The following ABI1 variants were observed in gnomAD, a reference collection of about 807,000 sequenced individuals.
ABI1 encodes Abelson interactor 1.
A neutral mutation model predicts 54.6 loss-of-function variants in ABI1; 14 were observed. The observed-to-expected ratio is 0.26, with a 90% CI of 0.17 to 0.40. ABI1 has a LOEUF of 0.40. ABI1 is among the 10% of genes least tolerant of loss of function. The probability of loss-of-function intolerance (pLI) is 1.00; values close to 1 mark genes in which losing one functional copy is unlikely to be tolerated. For missense variants in ABI1, 443 were observed against 598.3 expected, an observed-to-expected ratio of 0.74 and a Z score of 2.71; for synonymous variants, 194 against 209.3, an observed-to-expected ratio of 0.93 and a Z score of 0.63.
chr10:26,767,679 C>T (rs1490751551), intron 6 of ABI1, among the ~76,000 whole-genome samples: 1 of 152,084 alleles, frequency 6.6e-6, no homozygotes, highest in African/African-American at 2.4e-5. Flanking sequence ...GGATACTTTT[C>T]TGAATGCTTG....
chr10:26,770,412 T>C, intron 4 of ABI1, 67 bp from the exon 5 acceptor site: 3 of 1,365,222 alleles, frequency 2.2e-6, no homozygotes, highest in Non-Finnish European at 3.1e-6. Flanking sequence ...TAACACCATG[T>C]ATTATTTTTT....
intron 2 of ABI1, among the ~76,000 whole-genome samples, chr10:26,815,949 G>A (rs2047535607): frequency 6.6e-6 from 1 of 152,122 alleles, no homozygotes; most frequent in Non-Finnish European, 1.5e-5. Context: ...GTTACCACAA[G>A]AACTATAAAT....
At chr10:26,810,668 T>A (rs759304530) in intron 2 of ABI1, among the ~76,000 whole-genome samples, 1 of 152,104 alleles carries the variant, frequency 6.6e-6, no homozygotes, top group African/African-American at 2.4e-5. Flanking sequence ...AAAACTTTAT[T>A]TATAAAAATG....
rs771996944 is a variant in ABI1, at chr10:26,751,654, T to C, written c.1214A>G (p.Asn405Ser). The change falls in exon 10 of 11, where the codon AAT becomes AGT. Residue 405 changes from asparagine (N) to serine (S), a missense_variant. Physicochemically the swap from Asn to Ser is conservative, Grantham distance 46. Transcript: ENST00000376140. ...EDEEAAVVQY[N>S]DPYADGDPAW... is the part of the protein sequence containing the mutation. ...AGGATCCCCATCTGCATATGGATCA[T>C]TATACTGAACTACTGCAGCCTCCTC... The C allele has an allele frequency of 1.9e-6, 3 of 1,613,934 alleles. No homozygotes were observed. The highest frequency in any genetic ancestry group is 3.3e-5 in the Admixed American group (2 of 59,994).
At position 26,765,260 on chromosome 10, in the gene ABI1, G is replaced by T; in HGVS notation, c.778C>A (p.Pro260Thr). 1.2e-6 allele frequency: 2 copies of T among 1,604,160 alleles called. No individual in the cohort carries two copies. Among genetic ancestry groups the T allele is most frequent in the Non-Finnish European group, 1.7e-6 (2 of 1,177,190 alleles). The change falls in exon 7 of 11, where the codon CCC (proline) becomes ACC (threonine). Residue 260 changes from proline to threonine, a missense_variant. Physicochemically the swap from Pro to Thr is conservative, Grantham distance 38 (BLOSUM62 -1). This residue lies in a region of ABI1 where 394 missense variants were observed against 484.8 expected (regional missense o/e 0.81). Transcript: ENST00000376140. ...ENSGSSSIGI[P>T]IAVPTPSPPT... is the part of the protein sequence containing the mutation. ...GGCGAAGGTGTAGGCACAGCAATGG[G>T]AATGCCAATACTACTGCTACCACTG... is the stretch of plus-strand genomic sequence containing the variant.
chr10:26,751,548 T>C, intron 10 of ABI1, 50 bp downstream of exon 10: 1 of 1,557,718 alleles, frequency 6.4e-7, no homozygotes, highest in Non-Finnish European at 8.7e-7. Flanking sequence ...GTTCTAAATT[T>C]CTACAATTAG....
chr10:26,769,767 T>C lies in ABI1; in HGVS notation c.578+478A>G, dbSNP rs150963539. 6.8e-4 allele frequency among the ~76,000 whole-genome samples: 104 copies of C among 152,256 alleles called. 1 individual carries two copies. The highest frequency in any genetic ancestry group is 3.4e-3 in the Middle Eastern group (1 of 294). On this transcript the variant is annotated intron_variant, in intron 5 of 10. Transcript: ENST00000376140. ...AGGCCTAAGATTACCAGCAGAAGCA[T>C]AGTTACAAGTAAAGTGCATACTTTC...
At chr10:26,849,813 GCAAT>G (rs2050253877) in intron 1 of ABI1, among the ~76,000 whole-genome samples, 1 of 152,172 alleles carries the variant, frequency 6.6e-6, no homozygotes. Flanking sequence ...ATTAGTGATT[GCAAT>G]TTTTTCACAT....
At chr10:26,845,146 T>TA (rs57494089) in intron 1 of ABI1, among the ~76,000 whole-genome samples, 28,925 of 146,098 alleles carry the variant, frequency 0.2, 3,622 homozygotes, top group African/African-American at 0.36. Flanking sequence ...CTAAATGCTT[T>TA]AAAAAAAAAA....
chr10:26,748,777 G>C lies in ABI1; in HGVS notation c.1271-32C>G, dbSNP rs774042408. ...AAAAAACAGTTGAAATATCACATGA[G>C]TGCACTATATCCAAAATTTACTTGA... is the stretch of plus-strand genomic sequence containing the variant. On this transcript the variant is annotated intron_variant, in intron 10 of 10. Transcript: ENST00000376140. 4 of 1,507,212 alleles carry C rather than the reference G, an allele frequency of 2.7e-6. No homozygotes were observed. The South Asian group carries it at 4.7e-5, about 18-fold the overall frequency. The allele number at this position is 1,507,212 out of a possible 1,614,324, so 93.4% of individuals were successfully genotyped here.
intron 2 of ABI1, among the ~76,000 whole-genome samples, chr10:26,780,214 C>T (rs944101756): frequency 2.0e-5 from 3 of 152,016 alleles, no homozygotes; most frequent in Non-Finnish European, 2.9e-5. Flanking sequence ...AAATGGATAC[C>T]ATCCATAATG....
intron 8 of ABI1, among the ~76,000 whole-genome samples, chr10:26,756,582 G>T (rs952762202): frequency 6.6e-6 from 1 of 152,058 alleles, no homozygotes; most frequent in Non-Finnish European, 1.5e-5. Flanking sequence ...TTGTGGAGAT[G>T]ACATAATTGA....
intron 1 of ABI1, among the ~76,000 whole-genome samples, chr10:26,851,938 T>A (rs1233496917): frequency 6.6e-6 from 1 of 152,142 alleles, no homozygotes; most frequent in Non-Finnish European, 1.5e-5. Flanking sequence ...TCTAGTGGGA[T>A]TGCCTAACTA....
At chr10:26,751,252 T>C (rs1048786604) in intron 10 of ABI1, among the ~76,000 whole-genome samples, 7 of 152,186 alleles carry the variant, frequency 4.6e-5, no homozygotes, top group Admixed American at 3.9e-4. Context: ...AGGTAATCAA[T>C]AGAGCTTGAC....
intron 2 of ABI1, among the ~76,000 whole-genome samples, chr10:26,819,327 C>T (rs985462440): frequency 5.9e-5 from 9 of 151,854 alleles, no homozygotes; most frequent in Non-Finnish European, 1.3e-4. Flanking sequence ...AGAATACTAC[C>T]CAAGATAAAA....
At chr10:26,781,977 T>C (rs1398251700) in intron 2 of ABI1, among the ~76,000 whole-genome samples, 1 of 152,206 alleles carries the variant, frequency 6.6e-6, no homozygotes, top group Non-Finnish European at 1.5e-5. Context: ...CACCTCATCC[T>C]AGACTTATGA....
intron 7 of ABI1, 54 bp from the exon 8 acceptor site, chr10:26,759,292 C>A: frequency 6.6e-7 from 1 of 1,513,986 alleles, no homozygotes; most frequent in Non-Finnish European, 8.9e-7. Context: ...ATTGTAATCA[C>A]CTTAGATGGC....
chr10:26,860,713 C>G lies in ABI1; in HGVS notation c.117+34G>C. 6.3e-7 allele frequency: 1 copy of G among 1,579,984 alleles called. No homozygotes were observed. The highest frequency in any genetic ancestry group is 8.7e-7 in the Non-Finnish European group (1 of 1,150,322). On this transcript the variant is annotated intron_variant, in intron 1 of 10. Coordinates refer to ENST00000376140, the MANE Select transcript of ABI1 (RefSeq NM_001012750.3). This position sits in a 1 kb window ranked among gnomAD's most constrained non-coding sequence, Gnocchi z 4.1. ...TGGTCACTCCGGCGGGTCCTCGACC[C>G]GGCCAGCGCCCGCCGGCCGCCAGAG...
At chr10:26,771,625 G>C (rs1228186827) in intron 3 of ABI1, among the ~76,000 whole-genome samples, 2 of 152,078 alleles carry the variant, frequency 1.3e-5, no homozygotes, top group Non-Finnish European at 2.9e-5. Flanking sequence ...CTAGTATCTC[G>C]ATGTTTAAAA....
Sources: gnomAD v4.1 joint callset for allele counts (sites outside exome capture counted in the v4.1 genomes callset) on GRCh38, gnomAD v4.1.1 for gene constraint, gnomAD v4.1.1 regional missense constraint, Gnocchi (gnomAD v3.1) non-coding constraint, MANE v1.5 for transcripts, NCBI Gene and HGNC (gene_info 2026-07-23, HGNC 2026-07-21) for gene names.